KAZN: variants seen among roughly 807,000 people sequenced by gnomAD.
The protein encoded by KAZN is kazrin.
A neutral mutation model predicts 87.4 loss-of-function variants in KAZN; 40 were observed. The ratio of observed to expected loss-of-function variants is 0.46; its 90% CI spans 0.36 to 0.60. KAZN has a LOEUF of 0.60. KAZN is among the 20% of genes least tolerant of loss of function. The pLI, the probability that KAZN is intolerant of heterozygous loss-of-function variation, is 0.00. For missense variants in KAZN, 898 were observed against 1,073.9 expected (o/e 0.84, Z 2.29); for synonymous variants, 466 against 458.3 (o/e 1.02, Z -0.22).
intron 2 of KAZN, among the ~76,000 whole-genome samples, chr1:14,988,026 A>G (rs1489693098): frequency 3.3e-5 from 5 of 152,176 alleles, no homozygotes; most frequent in African/African-American, 1.2e-4. Flanking sequence ...CTAGGGAGCC[A>G]TGGTGGGCTT....
intron 2 of KAZN, among the ~76,000 whole-genome samples, chr1:14,580,343 C>T (rs1195844181): frequency 6.6e-6 from 1 of 151,978 alleles, no homozygotes; most frequent in Non-Finnish European, 1.5e-5. Context: ...AGCGTGGTGT[C>T]GCGTGCCTGT....
chr1:14,720,662 C>G (rs562776481), intron 1 of KAZN, among the ~76,000 whole-genome samples: 2 of 152,208 alleles, frequency 1.3e-5, no homozygotes, highest in African/African-American at 4.8e-5. Context: ...ATCATTCTTA[C>G]AGACTGCCCT....
chr1:14,363,294 C>T lies in KAZN; in HGVS notation c.249+182702C>T, dbSNP rs541375007. Among the ~76,000 whole-genome samples, 16 of 152,296 alleles carry T rather than the reference C, an allele frequency of 1.1e-4. 1 individual carries two copies. Among genetic ancestry groups the T allele is most frequent in the African/African-American group, 3.8e-4 (16 of 41,562 alleles). On this transcript the variant is annotated intron_variant, in intron 2 of 16. Coordinates refer to the KAZN transcript ENST00000636203. ...AAATGTCAAGATGATGTTTAAACAT[C>T]TCCGTCTCCCACCTCACAGTCGGAA... is the stretch of plus-strand genomic sequence containing the variant.
chr1:14,171,408 C>A (rs1446510131), intron 1 of KAZN, among the ~76,000 whole-genome samples: 1 of 152,232 alleles, frequency 6.6e-6, no homozygotes, highest in African/African-American at 2.4e-5. Context: ...TTCCCACCAG[C>A]AACCTATGAG....
intron 1 of KAZN, among the ~76,000 whole-genome samples, chr1:14,005,376 A>T (rs1345659708): frequency 6.6e-6 from 1 of 151,530 alleles, no homozygotes; most frequent in Admixed American, 6.6e-5. Flanking sequence ...GAAGAGGGAG[A>T]TGTCCACGTT....
intron 1 of KAZN, among the ~76,000 whole-genome samples, chr1:14,837,753 G>A (rs1172575914): frequency 6.6e-6 from 1 of 151,248 alleles, no homozygotes; most frequent in East Asian, 1.9e-4. Flanking sequence ...TTAGAGACAA[G>A]CCTGTTGCCC....
At chr1:14,153,034 C>A (rs1645511352) in intron 1 of KAZN, among the ~76,000 whole-genome samples, 1 of 152,152 alleles carries the variant, frequency 6.6e-6, no homozygotes, top group South Asian at 2.1e-4. Flanking sequence ...ACTTAAAAAT[C>A]AGATTATTAG....
chr1:14,581,743 G>A (rs572032415), intron 2 of KAZN, among the ~76,000 whole-genome samples: 4 of 152,042 alleles, frequency 2.6e-5, no homozygotes, highest in Admixed American at 2.0e-4. Flanking sequence ...ACAAGTCAGG[G>A]CCTCTCATAT....
chr1:14,335,111 C>CA (rs1024004313), intron 2 of KAZN, among the ~76,000 whole-genome samples: 5 of 150,706 alleles, frequency 3.3e-5, no homozygotes, highest in South Asian at 2.1e-4. Context: ...TCGGTGCCCC[C>CA]CCCCCACCAC....
chr1:15,044,329 A>C (rs1573162419), intron 4 of KAZN, among the ~76,000 whole-genome samples, 170 bp downstream of exon 4: 1 of 152,158 alleles, frequency 6.6e-6, no homozygotes, highest in Non-Finnish European at 1.5e-5. Flanking sequence ...TCTGCAATGC[A>C]TCATAAGTTT....
At chr1:14,232,363 C>T (rs1647944475) in intron 2 of KAZN, among the ~76,000 whole-genome samples, 1 of 152,088 alleles carries the variant, frequency 6.6e-6, no homozygotes, top group African/African-American at 2.4e-5. Context: ...GTAAATTATC[C>T]TCTCATTCCT....
chr1:14,497,789 G>C (rs577993444), intron 2 of KAZN, among the ~76,000 whole-genome samples: 12 of 151,994 alleles, frequency 7.9e-5, no homozygotes, highest in African/African-American at 2.7e-4. Flanking sequence ...TGGCCCTTTG[G>C]GAACTATTGG....
intron 1 of KAZN, among the ~76,000 whole-genome samples, chr1:14,092,512 T>C (rs896200586): frequency 2.0e-5 from 3 of 149,904 alleles, no homozygotes; most frequent in Non-Finnish European, 3.0e-5. Flanking sequence ...TGTGTACCAC[T>C]GCATGTATGT....
chr1:14,710,374 C>T (rs1253627643), intron 1 of KAZN, among the ~76,000 whole-genome samples: 1 of 152,152 alleles, frequency 6.6e-6, no homozygotes, highest in Non-Finnish European at 1.5e-5. Context: ...CATCACTGTA[C>T]TGCTCAAAAC....
intron 1 of KAZN, among the ~76,000 whole-genome samples, chr1:14,737,806 C>T (rs964145375): frequency 3.9e-5 from 6 of 152,208 alleles, no homozygotes; most frequent in Non-Finnish European, 7.3e-5. Context: ...TTCCTGGAGG[C>T]TGCCTGCAGT....
chr1:14,564,264 T>C (rs548465741), intron 2 of KAZN, among the ~76,000 whole-genome samples: 1 of 152,288 alleles, frequency 6.6e-6, no homozygotes, highest in East Asian at 1.9e-4. Flanking sequence ...CAACTCCTAC[T>C]TACTTTCTTT....
At chr1:14,719,768 G>T (rs1642997119) in intron 1 of KAZN, among the ~76,000 whole-genome samples, 1 of 152,194 alleles carries the variant, frequency 6.6e-6, no homozygotes. Flanking sequence ...GAACCCAGGA[G>T]GTGGAGGTTG....
chr1:14,526,603 T>C (rs1671878741), intron 2 of KAZN, among the ~76,000 whole-genome samples: 1 of 152,216 alleles, frequency 6.6e-6, no homozygotes, highest in African/African-American at 2.4e-5. Context: ...AATATTTTTG[T>C]TCCTCCTTCA....
intron 2 of KAZN, among the ~76,000 whole-genome samples, chr1:14,263,821 T>A (rs1234834508): frequency 6.6e-6 from 1 of 152,222 alleles, no homozygotes; most frequent in African/African-American, 2.4e-5. Context: ...TGCTGCCTCT[T>A]AGAGACCTAC....
Sources: gnomAD v4.1 joint callset for allele counts (sites outside exome capture counted in the v4.1 genomes callset) on GRCh38, gnomAD v4.1.1 for gene constraint, MANE v1.5 for transcripts, NCBI Gene and HGNC (gene_info 2026-07-23, HGNC 2026-07-21) for gene names.